The following MYO1E variants were observed in gnomAD, a reference collection of about 807,000 sequenced individuals.
MYO1E encodes the protein myosin IE.
Under a neutral mutation model 151.1 loss-of-function variants are expected in MYO1E, and 68 were observed. The observed-to-expected ratio is 0.45, with a 90% CI of 0.37 to 0.55. MYO1E has a LOEUF of 0.55. MYO1E is among the 20% of genes least tolerant of loss of function. MYO1E has a pLI of 0.00. For synonymous variants in MYO1E, 601 were observed against 501.7 expected, an observed-to-expected ratio of 1.20 and a Z score of -2.64; for missense variants, 1,363 against 1,389.3, an observed-to-expected ratio of 0.98 and a Z score of 0.30.
intron 1 of MYO1E, among the ~76,000 whole-genome samples, chr15:59,356,658 C>G (rs1232586459): frequency 6.6e-6 from 1 of 151,730 alleles, no homozygotes; most frequent in African/African-American, 2.4e-5. Flanking sequence ...GCTCACTGCA[C>G]CCTCTGCCTC....
chr15:59,336,837 T>TG (rs1433158219), intron 1 of MYO1E, among the ~76,000 whole-genome samples: 2 of 147,380 alleles, frequency 1.4e-5, no homozygotes, highest in Non-Finnish European at 3.0e-5. Flanking sequence ...AGTGAGAACA[T>TG]GCGGTGTTTG....
chr15:59,218,046 G>C lies in MYO1E; in HGVS notation c.952C>G (p.Arg318Gly). 1 of 1,614,052 alleles carries C rather than the reference G, an allele frequency of 6.2e-7. No homozygotes were observed. The highest frequency in any genetic ancestry group is 1.1e-5 in the South Asian group (1 of 91,070). ...PAYLLGINQD[R>G]LKEKLTSRQM... ...CGGCTTGTTAGCTTTTCTTTCAACC[G>C]GTCCTGGTTTATCCCTAGCAGATAT... The change falls in exon 10 of 28, where the codon CGG (arginine) becomes GGG (glycine). Residue 318 changes from arginine to glycine, a missense_variant. Physicochemically the swap from Arg to Gly is moderately radical, Grantham distance 125. Coordinates refer to ENST00000288235, the MANE Select transcript of MYO1E (RefSeq NM_004998.4).
intron 16 of MYO1E, among the ~76,000 whole-genome samples, chr15:59,201,888 G>A (rs1490101159): frequency 6.6e-6 from 1 of 152,160 alleles, no homozygotes; most frequent in Admixed American, 6.5e-5. Flanking sequence ...CAGTGAGGAG[G>A]GATGCATAAA....
Position 59,137,453 on chromosome 15 carries a change from G to T in MYO1E, c.3254C>A (p.Pro1085His). The change falls in exon 28 of 28, where the codon CCT becomes CAT. Residue 1085 changes from proline to histidine, a missense_variant. By Grantham distance (77) the Pro-to-His change is moderately conservative. Transcript: ENST00000288235. ...TAGTCGACCCGTCCACCAGCCAGAA[G>T]GATCTGCAGGGAGAGAGAGGTGGTG... is the stretch of plus-strand genomic sequence containing the variant. ...NDIIDIIKED[P>H]SGWWTGRLRG... 6.2e-7 allele frequency: 1 copy of T among 1,614,064 alleles called. No homozygotes were observed.
intron 4 of MYO1E, among the ~76,000 whole-genome samples, chr15:59,249,196 G>A (rs1442254792): frequency 2.0e-5 from 3 of 152,112 alleles, no homozygotes; most frequent in Non-Finnish European, 4.4e-5. Flanking sequence ...GGCTGAGGCG[G>A]GTGGATCACG....
rs779103976 is a variant in MYO1E, at chr15:59,350,880, T to TTTGG, written c.3+21614_3+21617dup. Among the ~76,000 whole-genome samples, 16 of 152,006 alleles carry TTTGG rather than the reference T, an allele frequency of 1.1e-4. No homozygotes were observed. Among genetic ancestry groups the TTTGG allele is most frequent in the Admixed American group, 5.2e-4 (8 of 15,282 alleles). On this transcript the variant is annotated intron_variant, in intron 1 of 27. Transcript: ENST00000288235. This position sits in a 1 kb window ranked among gnomAD's most constrained non-coding sequence, Gnocchi z 5.0. Reference sequence around the variant, plus strand: ...CTTTATTTGTTGTTGTTGTTGTTTGTTTGGTTGGTTGGTTTTTTGTTTTTT... The same window carrying TTTGG: ...CTTTATTTGTTGTTGTTGTTGTTTGTTTGGTTGGTTGGTTGGTTTTTTGTTTTTT...
intron 14 of MYO1E, among the ~76,000 whole-genome samples, chr15:59,206,431 T>C (rs1455900743): frequency 6.6e-6 from 1 of 152,182 alleles, no homozygotes; most frequent in Admixed American, 6.5e-5. Context: ...AGTGGAATCC[T>C]TTCAAAATAG....
At chr15:59,255,599 C>T (rs1290972028) in intron 4 of MYO1E, among the ~76,000 whole-genome samples, 1 of 152,146 alleles carries the variant, frequency 6.6e-6, no homozygotes, top group South Asian at 2.1e-4. Flanking sequence ...GCACTTAAGG[C>T]AGGAGTATCC....
intron 1 of MYO1E, among the ~76,000 whole-genome samples, chr15:59,300,930 C>T (rs1001996501): frequency 2.0e-5 from 3 of 146,472 alleles, no homozygotes; most frequent in Non-Finnish European, 4.5e-5. Flanking sequence ...TGCACTGGCA[C>T]CATGCCAGCT....
At chr15:59,206,471 C>T (rs755311846) in intron 14 of MYO1E, among the ~76,000 whole-genome samples, 16 of 152,158 alleles carry the variant, frequency 1.1e-4, no homozygotes, top group Non-Finnish European at 1.9e-4. Context: ...AGAAAGCAGG[C>T]GCCCAATTCT....
chr15:59,365,311 GC>G (rs1477403855), intron 1 of MYO1E, among the ~76,000 whole-genome samples: 6 of 152,020 alleles, frequency 3.9e-5, no homozygotes, highest in African/African-American at 1.4e-4. Context: ...TAGCCACCGC[GC>G]CCGGCTGAAT....
intron 1 of MYO1E, among the ~76,000 whole-genome samples, chr15:59,287,268 C>G (rs560695419): frequency 5.3e-5 from 8 of 152,298 alleles, no homozygotes; most frequent in African/African-American, 1.9e-4. Flanking sequence ...AACCCACACC[C>G]AAATCGCAAG....
intron 26 of MYO1E, among the ~76,000 whole-genome samples, chr15:59,147,405 G>C (rs563460302): frequency 1.3e-5 from 2 of 152,080 alleles, no homozygotes; most frequent in South Asian, 4.2e-4. Context: ...TTCGAGACCA[G>C]CCTGGCCAAC....
intron 1 of MYO1E, among the ~76,000 whole-genome samples, chr15:59,352,017 G>A (rs1436244802): frequency 6.6e-6 from 1 of 152,184 alleles, no homozygotes; most frequent in East Asian, 1.9e-4. Flanking sequence ...AGGTTTGATA[G>A]ACTAGTTCAG....
intron 22 of MYO1E, among the ~76,000 whole-genome samples, chr15:59,166,050 G>A (rs940019883): frequency 2.0e-5 from 3 of 152,110 alleles, no homozygotes; most frequent in Non-Finnish European, 4.4e-5. Flanking sequence ...CTATTATAAC[G>A]AAAAAAGCAA....
At chr15:59,279,499 C>T (rs1333244229) in intron 1 of MYO1E, among the ~76,000 whole-genome samples, 2 of 152,166 alleles carry the variant, frequency 1.3e-5, no homozygotes, top group Non-Finnish European at 2.9e-5. Flanking sequence ...CAAAGACTAG[C>T]CCTCCCAGCC....
intron 26 of MYO1E, among the ~76,000 whole-genome samples, chr15:59,151,252 C>A (rs2079476843): frequency 6.6e-6 from 1 of 151,238 alleles, no homozygotes; most frequent in African/African-American, 2.4e-5. Flanking sequence ...ATGGTGAAAC[C>A]CCATCTCTAC....
Position 59,213,136 on chromosome 15 carries a change from T to TTTATTA in MYO1E, c.1275+1086_1275+1091dup, listed in dbSNP as rs147109664. On this transcript the variant is annotated intron_variant, in intron 12 of 27. Transcript: ENST00000288235. ...AATGGAAACTGCACTGAACTATTTATTTATTATTATTATTATTATTATTAT... is the reference window on the plus strand; with the variant it reads ...AATGGAAACTGCACTGAACTATTTATTTATTATTATTATTATTATTATTATTATTAT... Among the ~76,000 whole-genome samples the TTTATTA allele has an allele frequency of 6.6e-3, 918 of 139,348 alleles. 6 individuals carry two copies. The highest frequency in any genetic ancestry group is 0.019 in the African/African-American group (695 of 36,602). 91.4% of individuals were successfully genotyped at this position (139,348 alleles called of 152,430 possible). A position where few individuals can be genotyped will look rare whatever the true frequency, so the allele number is the denominator to read the frequency against.
At chr15:59,258,790 G>C (rs1370478492) in intron 3 of MYO1E, among the ~76,000 whole-genome samples, 1 of 151,962 alleles carries the variant, frequency 6.6e-6, no homozygotes. Flanking sequence ...CCTGGAGGTG[G>C]AGGTTCCTGT....
Sources: allele counts gnomAD v4.1 joint callset (sites outside exome capture counted in the v4.1 genomes callset), GRCh38; gene constraint gnomAD v4.1.1; non-coding constraint Gnocchi (gnomAD v3.1); transcripts MANE v1.5; gene names NCBI Gene and HGNC (gene_info 2026-07-23, HGNC 2026-07-21).